RFX7: variants seen among roughly 807,000 people sequenced by gnomAD.
The protein encoded by RFX7 is regulatory factor X7, also known as DNA-binding protein RFX7.
A neutral mutation model predicts 111.8 loss-of-function variants in RFX7; 26 were observed. The observed-to-expected ratio is 0.23, with a 90% CI of 0.17 to 0.32. RFX7 has a LOEUF of 0.32. Among genes scored for constraint, RFX7 ranks in the 10% least tolerant of loss-of-function variants. The probability of loss-of-function intolerance (pLI) is 1.00; values close to 1 mark genes in which losing one functional copy is unlikely to be tolerated. For synonymous variants in RFX7, 624 were observed against 624.4 expected (o/e 1.00, Z 0.01); for missense variants, 1,573 against 1,772.9 (o/e 0.89, Z 2.02).
At chr15:56,167,246 G>A (rs1321892991) in intron 3 of RFX7, among the ~76,000 whole-genome samples, 2 of 152,132 alleles carry the variant, frequency 1.3e-5, no homozygotes, top group Non-Finnish European at 2.9e-5. Context: ...TCAGGAATTT[G>A]AGGCTGCAGT....
intron 5 of RFX7, among the ~76,000 whole-genome samples, chr15:56,111,661 C>CAAAAAAAAAAAAAAA (rs371681721): frequency 2.1e-5 from 2 of 95,574 alleles, no homozygotes; most frequent in Non-Finnish European, 4.0e-5. Context: ...ATAAATAAAC[C>CAAAAAAAAAAAAAAA]AAAAAAAAAA....
In RFX7 at chr15:56,093,511, A is replaced by C; in HGVS notation, c.4217T>G (p.Phe1406Cys). The C allele has an allele frequency of 6.2e-7, 1 of 1,613,914 alleles. No individual in the cohort carries two copies. The highest frequency in any genetic ancestry group is 8.5e-7 in the Non-Finnish European group (1 of 1,179,828). The change falls in exon 10 of 10, where the codon TTT becomes TGT. Residue 1406 changes from phenylalanine (F) to cysteine (C), a missense_variant. Around this residue, in one of 7 missense-constraint regions of RFX7, gnomAD observed 411 missense variants for 478.1 expected, o/e 0.86. Coordinates refer to ENST00000559447, the MANE Select transcript of RFX7 (RefSeq NM_022841.7). Reference protein sequence around the residue: ...DLNTLDPNLLFDPGRQQGQDD... With the variant: ...DLNTLDPNLLCDPGRQQGQDD... The stretch of plus-strand genomic sequence containing the variant: ...TTGTCCCTGCTGACGACCTGGATCA[A>C]ACAGTAGATTTGGGTCTAAAGTGTT...
chr15:56,224,106 T>C (rs1396437039), intron 2 of RFX7, among the ~76,000 whole-genome samples: 1 of 151,700 alleles, frequency 6.6e-6, no homozygotes, highest in African/African-American at 2.4e-5. Context: ...ATAAATAAGA[T>C]GTGGTGGGCC....
At chr15:56,232,443 C>T (rs575640577) in intron 2 of RFX7, among the ~76,000 whole-genome samples, 12 of 152,248 alleles carry the variant, frequency 7.9e-5, no homozygotes, top group South Asian at 2.1e-4. Flanking sequence ...CCTCCTAGGC[C>T]GCTGGGTCTG....
intron 8 of RFX7, 33 bp from the exon 9 acceptor site, chr15:56,098,409 A>G (rs1332279868): frequency 1.9e-6 from 3 of 1,542,384 alleles, no homozygotes; most frequent in East Asian, 2.4e-5. Context: ...GCTGCAATAA[A>G]TACTCTCCTT....
chr15:56,237,577 A>G (rs2043637965), intron 2 of RFX7, among the ~76,000 whole-genome samples: 1 of 152,236 alleles, frequency 6.6e-6, no homozygotes, highest in Non-Finnish European at 1.5e-5. Context: ...TTCTACCACT[A>G]TGAAGCTCAT....
intron 2 of RFX7, among the ~76,000 whole-genome samples, chr15:56,193,925 T>C (rs1375696038): frequency 1.3e-5 from 2 of 152,128 alleles, no homozygotes; most frequent in African/African-American, 4.8e-5. Flanking sequence ...TCCTACTTTC[T>C]CACAAAGAAA....
At chr15:56,192,381 T>C in intron 2 of RFX7, 1 of 229,246 alleles carries the variant, frequency 4.4e-6, no homozygotes, top group South Asian at 8.0e-5. Context: ...TCCAGACTTC[T>C]TGCCAAGCTT....
chr15:56,109,775 G>A (rs1214860528), intron 5 of RFX7, among the ~76,000 whole-genome samples: 7 of 149,272 alleles, frequency 4.7e-5, no homozygotes, highest in Non-Finnish European at 1.0e-4. Flanking sequence ...CCTGGCAACC[G>A]CCCTGTCTGA....
chr15:56,215,384 C>A (rs72738675), intron 2 of RFX7, among the ~76,000 whole-genome samples: 19,846 of 152,208 alleles, frequency 0.13, 1,699 homozygotes, highest in East Asian at 0.44. Context: ...CTGTTCCTAA[C>A]TTGCTAAGTG....
intron 2 of RFX7, among the ~76,000 whole-genome samples, chr15:56,210,074 G>A (rs955829152): frequency 9.2e-5 from 14 of 151,992 alleles, no homozygotes; most frequent in Non-Finnish European, 1.5e-4. Context: ...ATTATATGTC[G>A]TCTACAAAAG....
chr15:56,108,245 CACA>C (rs1273695696), intron 5 of RFX7, among the ~76,000 whole-genome samples: 9 of 152,290 alleles, frequency 5.9e-5, no homozygotes, highest in Non-Finnish European at 1.2e-4. Context: ...CTGGCAGAGA[CACA>C]ACAAAAAACT....
chr15:56,216,878 A>G lies in RFX7; in HGVS notation c.161+26247T>C, dbSNP rs1315676722. Among the ~76,000 whole-genome samples the G allele has an allele frequency of 2.7e-5, 4 of 148,100 alleles. No homozygotes were observed. In the East Asian group the frequency reaches 9.7e-4, roughly 36 times the overall value. ...CGCTATGTTGCCCAGACTGGTCTCA[A>G]ATTCCTGGCTCAAGTGATCCTCCTG... On this transcript the variant is annotated intron_variant, in intron 2 of 9. Transcript: ENST00000559447.
At chr15:56,144,093 C>T (rs566687730) in intron 4 of RFX7, among the ~76,000 whole-genome samples, 85 of 152,212 alleles carry the variant, frequency 5.6e-4, no homozygotes, top group Admixed American at 9.8e-4. Context: ...TCTGTTTATT[C>T]TTTGGTTTTC....
Position 56,208,564 on chromosome 15 carries a change from C to G in RFX7, c.162-29261G>C, listed in dbSNP as rs563869418. Among the ~76,000 whole-genome samples the G allele has an allele frequency of 1.2e-3, 179 of 152,212 alleles. 2 individuals are homozygous for G. Among genetic ancestry groups the G allele is most frequent in the Non-Finnish European group, 2.1e-3 (143 of 68,004 alleles). Reference sequence around the variant, plus strand: ...AATCCAGTTTCAAGAGCACAGCAAACAGCAAAAACATAGTCCAATGTGGCA... The same window carrying G: ...AATCCAGTTTCAAGAGCACAGCAAAGAGCAAAAACATAGTCCAATGTGGCA... On this transcript the variant is annotated intron_variant, in intron 2 of 9. Coordinates refer to ENST00000559447, the MANE Select transcript of RFX7 (RefSeq NM_022841.7).
chr15:56,165,900 G>C (rs75837726), intron 3 of RFX7, among the ~76,000 whole-genome samples: 169 of 152,190 alleles, frequency 1.1e-3, no homozygotes, highest in African/African-American at 4.0e-3. Flanking sequence ...TTAAGCCTTT[G>C]ATCTCTGCAG....
At chr15:56,240,979 T>A (rs72740506) in intron 2 of RFX7, among the ~76,000 whole-genome samples, 19,747 of 152,036 alleles carry the variant, frequency 0.13, 1,683 homozygotes, top group East Asian at 0.44. Flanking sequence ...GAGCAGGGGG[T>A]ATGACACTAT....
In RFX7 at chr15:56,093,611, G is replaced by A; in HGVS notation, c.4117C>T (p.Leu1373Phe). 6.2e-7 allele frequency: 1 copy of A among 1,613,800 alleles called. No individual in the cohort carries two copies. Among genetic ancestry groups the A allele is most frequent in the South Asian group, 1.1e-5 (1 of 91,074 alleles). ...GAGAAATCAGATGCAGTATTAGTGA[G>A]ATCAGATGCTCCCTGACCTACCAGC... ...QQLVGQGASD[L>F]TNTASDFSSD... The change falls in exon 10 of 10, where the codon CTC becomes TTC. Residue 1373 changes from leucine (L) to phenylalanine (F), a missense_variant. Leu to Phe is a conservative substitution (Grantham distance 22). Coordinates refer to ENST00000559447, the MANE Select transcript of RFX7 (RefSeq NM_022841.7).
intron 5 of RFX7, among the ~76,000 whole-genome samples, chr15:56,134,618 C>CTTT (rs55844559): frequency 3.2e-5 from 4 of 126,308 alleles, no homozygotes; most frequent in African/African-American, 9.1e-5. Context: ...TTTTTACTTT[C>CTTT]TTTTTTTTTT....
Sources: gnomAD v4.1 joint callset for allele counts (sites outside exome capture counted in the v4.1 genomes callset) on GRCh38, gnomAD v4.1.1 for gene constraint, gnomAD v4.1.1 regional missense constraint, MANE v1.5 for transcripts, NCBI Gene and HGNC (gene_info 2026-07-23, HGNC 2026-07-21) for gene names.